Variants in SRGAP1 observed in about 807,000 individuals in gnomAD.
SRGAP1 encodes the protein SLIT-ROBO Rho GTPase activating protein 1.
A neutral mutation model predicts 121.9 loss-of-function variants in SRGAP1; 43 were observed. That is an observed-to-expected ratio of 0.35 (90% CI 0.28 to 0.46). SRGAP1 has a LOEUF of 0.46. Among genes scored for constraint, SRGAP1 ranks in the 20% least tolerant of loss-of-function variants. SRGAP1 has a pLI of 1.00. For synonymous variants in SRGAP1, 447 were observed against 485.4 expected (o/e 0.92, Z 1.04); for missense variants, 1,102 against 1,350.9 (o/e 0.82, Z 2.89).
intron 21 of SRGAP1, among the ~76,000 whole-genome samples, chr12:64,141,857 G>A (rs2036969056): frequency 6.6e-6 from 1 of 151,920 alleles, no homozygotes; most frequent in African/African-American, 2.4e-5. Context: ...AGGCTACTCA[G>A]GAGGTAGCAC....
At chr12:64,005,980 C>A (rs2034069926) in intron 3 of SRGAP1, among the ~76,000 whole-genome samples, 1 of 152,052 alleles carries the variant, frequency 6.6e-6, no homozygotes. Flanking sequence ...CAACTGGTAC[C>A]CCCATAGGAA....
In SRGAP1 at chr12:64,147,569, T is replaced by A. The variant is rs1041615730; in HGVS notation, c.*4897T>A. 4 of 398,698 alleles carry A rather than the reference T, an allele frequency of 1.0e-5. No individual in the cohort carries two copies. Among genetic ancestry groups the A allele is most frequent in the African/African-American group, 8.2e-5 (4 of 48,660 alleles). 24.7% of individuals were successfully genotyped at this position (398,698 alleles called of 1,614,324 possible). A position where few individuals can be genotyped will look rare whatever the true frequency, so the allele number is the denominator to read the frequency against. Reference sequence around the variant, plus strand: ...GTGTCCTCCCATCCCACCGCATCAGTCCCCCGCTCATGTGCTGCTGACAGC... The same window carrying A: ...GTGTCCTCCCATCCCACCGCATCAGACCCCCGCTCATGTGCTGCTGACAGC... On this transcript the variant is annotated 3_prime_UTR_variant, in exon 22 of 22. Transcript: ENST00000355086.
intron 3 of SRGAP1, among the ~76,000 whole-genome samples, chr12:63,993,858 T>TAA (rs5798721): frequency 7.2e-5 from 10 of 139,200 alleles, no homozygotes; most frequent in African/African-American, 2.1e-4. Flanking sequence ...TTCAACAGGT[T>TAA]AAAAAAAAAA....
At chr12:63,992,807 C>T (rs1363426596) in intron 3 of SRGAP1, among the ~76,000 whole-genome samples, 1 of 152,232 alleles carries the variant, frequency 6.6e-6, no homozygotes, top group Non-Finnish European at 1.5e-5. Context: ...TTTTCTGGTT[C>T]TCAAAGAATT....
chr12:63,956,671 T>G (rs143194271), intron 1 of SRGAP1, among the ~76,000 whole-genome samples: 7 of 149,788 alleles, frequency 4.7e-5, no homozygotes, highest in African/African-American at 1.7e-4. Context: ...TTGAGCAGCC[T>G]CCTGTTATTG....
At chr12:63,997,231 TA>T (rs1457239273) in intron 3 of SRGAP1, among the ~76,000 whole-genome samples, 4 of 152,104 alleles carry the variant, frequency 2.6e-5, no homozygotes, top group Non-Finnish European at 5.9e-5. Flanking sequence ...ATTCTAATCT[TA>T]TGGGACCACC....
intron 1 of SRGAP1, among the ~76,000 whole-genome samples, chr12:63,929,768 T>C (rs1354484757): frequency 1.3e-5 from 2 of 152,216 alleles, no homozygotes; most frequent in African/African-American, 4.8e-5. Flanking sequence ...AGTAAACTGT[T>C]CTTTTCAGAA....
In SRGAP1 at chr12:63,919,513, TATATATATAC is replaced by T. The variant is rs1248530707; in HGVS notation, c.68-64432_68-64423del. On this transcript the variant is annotated intron_variant, in intron 1 of 21. Transcript: ENST00000355086. ...ACTTAACATTACATATATATATATA[TATATATATAC>T]ACATACACACACACACAACTATGTT... Among the ~76,000 whole-genome samples the T allele has an allele frequency of 9.2e-4, 137 of 148,578 alleles. 3 individuals are homozygous for T. Among genetic ancestry groups the T allele is most frequent in the African/African-American group, 3.3e-3 (129 of 38,840 alleles).
chr12:64,025,372 G>A lies in SRGAP1; in HGVS notation c.489+8360G>A, dbSNP rs561059488. 2.0e-3 allele frequency among the ~76,000 whole-genome samples: 308 copies of A among 152,170 alleles called. 3 individuals are homozygous for A. Among genetic ancestry groups the A allele is most frequent in the African/African-American group, 7.0e-3 (291 of 41,520 alleles). On this transcript the variant is annotated intron_variant, in intron 4 of 21. Coordinates refer to ENST00000355086, the MANE Select transcript of SRGAP1 (RefSeq NM_020762.4). ...GTCATTCCGAGAGCCCAAGATACTT[G>A]CCACCTCATATCGGAAGATTTTTCT...
rs2037006436 is a variant in SRGAP1 at position 64,143,766 on chromosome 12, G to A, written c.*1094G>A. The A allele has an allele frequency of 6.6e-6, 1 of 151,710 alleles. No individual in the cohort carries two copies. Among genetic ancestry groups the A allele is most frequent in the Non-Finnish European group, 1.5e-5 (1 of 68,038 alleles). The allele number at this position is 151,710 out of a possible 1,614,324, so 9.4% of individuals were successfully genotyped here. ...GAGTCCAGCCTGGGCAGCATAGTGTGAGACCCTGTCTCTTAAAAAAAAAAA... is the reference window on the plus strand; with the variant it reads ...GAGTCCAGCCTGGGCAGCATAGTGTAAGACCCTGTCTCTTAAAAAAAAAAA... On this transcript the variant is annotated 3_prime_UTR_variant, in exon 22 of 22. Transcript: ENST00000355086.
chr12:63,881,351 C>T (rs920758159), intron 1 of SRGAP1, among the ~76,000 whole-genome samples: 8 of 152,208 alleles, frequency 5.3e-5, no homozygotes, highest in African/African-American at 1.9e-4. Flanking sequence ...TGCGTAATAA[C>T]AGTCATTTGC....
intron 4 of SRGAP1, among the ~76,000 whole-genome samples, chr12:64,033,862 A>C (rs1489507963): frequency 6.6e-6 from 1 of 152,080 alleles, no homozygotes; most frequent in Non-Finnish European, 1.5e-5. Context: ...TCTACTAAAA[A>C]TACAAGAATT....
chr12:63,934,664 A>G (rs537839528), intron 1 of SRGAP1, among the ~76,000 whole-genome samples: 3 of 152,170 alleles, frequency 2.0e-5, no homozygotes, highest in South Asian at 4.2e-4. Flanking sequence ...CCCCCCAACA[A>G]TCTGCTCCAT....
At chr12:63,928,954 A>G (rs1320366661) in intron 1 of SRGAP1, among the ~76,000 whole-genome samples, 11 of 152,162 alleles carry the variant, frequency 7.2e-5, no homozygotes, top group Admixed American at 7.2e-4. Context: ...AACATAAGCA[A>G]TGGGAAATGG....
At chr12:64,099,242 A>ATC (rs374736412) in intron 15 of SRGAP1, among the ~76,000 whole-genome samples, 10 of 152,134 alleles carry the variant, frequency 6.6e-5, no homozygotes, top group African/African-American at 2.4e-4. Flanking sequence ...TAATCCTTAC[A>ATC]TCATAGGGTT....
intron 1 of SRGAP1, chr12:63,879,497 CACAT>C (rs2136284757): frequency 6.6e-6 from 1 of 152,230 alleles, no homozygotes; most frequent in African/African-American, 2.4e-5. Flanking sequence ...ACATACAAAA[CACAT>C]ACAAAGCCCC....
chr12:64,102,288 TTA>T (rs1480869077), intron 15 of SRGAP1, among the ~76,000 whole-genome samples: 1 of 152,202 alleles, frequency 6.6e-6, no homozygotes, highest in Non-Finnish European at 1.5e-5. Context: ...TGTAGAAAAA[TTA>T]TAAACTAAGA....
chr12:64,020,154 G>C (rs74097515), intron 4 of SRGAP1, among the ~76,000 whole-genome samples: 6,023 of 152,238 alleles, frequency 0.04, 407 homozygotes, highest in African/African-American at 0.14. Flanking sequence ...TCAGAAGGCT[G>C]TGTCTCAAAT....
chr12:64,027,680 T>C (rs1420908585), intron 4 of SRGAP1, among the ~76,000 whole-genome samples: 7 of 152,054 alleles, frequency 4.6e-5, no homozygotes, highest in African/African-American at 1.7e-4. Context: ...GCAAAAGAAA[T>C]GGTTAGACAT....
Sources: gnomAD v4.1 joint callset for allele counts (sites outside exome capture counted in the v4.1 genomes callset) on GRCh38, gnomAD v4.1.1 for gene constraint, MANE v1.5 for transcripts, NCBI Gene and HGNC (gene_info 2026-07-23, HGNC 2026-07-21) for gene names.